The following SNX29 variants were observed in gnomAD, a reference collection of about 807,000 sequenced individuals.
The protein encoded by SNX29 is sorting nexin-29.
SNX29 carries 78 observed loss-of-function variants against 102.1 expected under a neutral mutation model. The observed-to-expected ratio is 0.76, with a 90% CI of 0.64 to 0.92. The LOEUF (loss-of-function observed/expected upper bound fraction) is 0.92, where lower values mean the gene tolerates loss of function less well. SNX29 is among the 40% of genes least tolerant of loss of function. The pLI is 0.00. For missense variants in SNX29, 1,280 were observed against 1,061.7 expected (o/e 1.21, Z -2.86); for synonymous variants, 580 against 414.5 (o/e 1.40, Z -4.85).
intron 8 of SNX29, among the ~76,000 whole-genome samples, chr16:12,054,114 T>C (rs1000775934): frequency 3.9e-5 from 6 of 151,938 alleles, no homozygotes. Flanking sequence ...ACTGCAAGCG[T>C]CCGCCACCAC....
chr16:12,195,433 G>A (rs1320578929), intron 13 of SNX29, among the ~76,000 whole-genome samples: 3 of 152,200 alleles, frequency 2.0e-5, no homozygotes, highest in Admixed American at 2.0e-4. Flanking sequence ...TCTTGAAGCT[G>A]TTGATTCATA....
At chr16:12,495,498 A>G (rs2088777018) in intron 19 of SNX29, among the ~76,000 whole-genome samples, 1 of 152,236 alleles carries the variant, frequency 6.6e-6, no homozygotes, top group African/African-American at 2.4e-5. Context: ...TACCCAGAAT[A>G]AGTTAGTTCC....
intron 15 of SNX29, among the ~76,000 whole-genome samples, chr16:12,345,452 G>T (rs1378054525): frequency 1.3e-5 from 2 of 152,186 alleles, no homozygotes; most frequent in Admixed American, 6.5e-5. Flanking sequence ...GGGGACCAGT[G>T]GGAGCTCTAT....
At chr16:12,289,999 G>A (rs937530625) in intron 15 of SNX29, among the ~76,000 whole-genome samples, 3 of 152,116 alleles carry the variant, frequency 2.0e-5, no homozygotes, top group South Asian at 2.1e-4. Flanking sequence ...CTGGAGAAAC[G>A]GGATACAGCG....
At chr16:11,978,824 C>T (rs2055356914) in intron 1 of SNX29, among the ~76,000 whole-genome samples, 1 of 152,030 alleles carries the variant, frequency 6.6e-6, no homozygotes, top group Non-Finnish European at 1.5e-5. Context: ...ACTTGGGAGG[C>T]TGAGGCAGGA....
At chr16:12,544,678 G>A (rs142491405) in intron 20 of SNX29, among the ~76,000 whole-genome samples, 6 of 152,196 alleles carry the variant, frequency 3.9e-5, no homozygotes, top group Non-Finnish European at 5.9e-5. Context: ...CTTTGAGAGC[G>A]CTGTCACTCG....
intron 18 of SNX29, among the ~76,000 whole-genome samples, chr16:12,423,773 T>C (rs1004363660): frequency 2.6e-5 from 4 of 152,204 alleles, no homozygotes; most frequent in African/African-American, 9.6e-5. Flanking sequence ...GGTTTCGCTA[T>C]GTTGGCCAGG....
intron 1 of SNX29, among the ~76,000 whole-genome samples, chr16:11,991,056 G>A (rs1463496102): frequency 4.6e-5 from 7 of 152,176 alleles, no homozygotes; most frequent in Admixed American, 4.6e-4. Context: ...GAGAAAGTTT[G>A]CTGACCCCCA....
At chr16:12,179,661 C>T (rs570968357) in intron 13 of SNX29, among the ~76,000 whole-genome samples, 1 of 152,254 alleles carries the variant, frequency 6.6e-6, no homozygotes, top group East Asian at 1.9e-4. Context: ...TGGTATGTTG[C>T]TAGTCGTTTA....
At chr16:12,333,775 G>A (rs1383298500) in intron 15 of SNX29, among the ~76,000 whole-genome samples, 1 of 152,118 alleles carries the variant, frequency 6.6e-6, no homozygotes, top group Non-Finnish European at 1.5e-5. Context: ...CTATGTCCTG[G>A]GGACTGGGCA....
intron 11 of SNX29, among the ~76,000 whole-genome samples, chr16:12,107,083 G>T (rs1374588260): frequency 6.6e-6 from 1 of 152,222 alleles, no homozygotes; most frequent in African/African-American, 2.4e-5. Flanking sequence ...GTCCCAGAGT[G>T]CTGGGATTCC....
chr16:12,336,720 G>C (rs575101682), intron 15 of SNX29, among the ~76,000 whole-genome samples: 64 of 152,316 alleles, frequency 4.2e-4, no homozygotes, highest in Non-Finnish European at 5.9e-5. Flanking sequence ...CGAAGCAGGA[G>C]GATCGCTTGA....
At chr16:12,349,952 A>G (rs1265296272) in intron 15 of SNX29, among the ~76,000 whole-genome samples, 1 of 152,232 alleles carries the variant, frequency 6.6e-6, no homozygotes, top group African/African-American at 2.4e-5. Context: ...ACAGTCTAGA[A>G]AAACCCTGAA....
At chr16:12,136,735 G>C (rs935515392) in intron 13 of SNX29, among the ~76,000 whole-genome samples, 2 of 151,846 alleles carry the variant, frequency 1.3e-5, no homozygotes, top group Non-Finnish European at 2.9e-5. Flanking sequence ...AAAGGTTTTT[G>C]TTGTTATTGT....
intron 14 of SNX29, among the ~76,000 whole-genome samples, chr16:12,235,785 T>TTGTGTGTGTGTGTGTG (rs71408254): frequency 6.8e-6 from 1 of 147,958 alleles, no homozygotes; most frequent in African/African-American, 2.5e-5. Flanking sequence ...GGGTTGTAAA[T>TTGTGTGTGTGTGTGTG]TGTGTGTGTG....
chr16:12,529,838 C>A (rs1387297499), intron 20 of SNX29, among the ~76,000 whole-genome samples: 1 of 152,236 alleles, frequency 6.6e-6, no homozygotes, highest in Non-Finnish European at 1.5e-5. Flanking sequence ...ACCTAAGCTG[C>A]TTTGCAAGTC....
rs1407090500 is a variant in SNX29, at chr16:12,008,786, G to C, written c.122+5743G>C. Reference sequence around the variant, plus strand: ...AGATGGAGCCTTGCTCTGTCGCACAGGCTGGAGTACAGTGGCGCAATCTCA... The same window carrying C: ...AGATGGAGCCTTGCTCTGTCGCACACGCTGGAGTACAGTGGCGCAATCTCA... On this transcript the variant is annotated intron_variant, in intron 3 of 20. Coordinates refer to ENST00000566228, the MANE Select transcript of SNX29 (RefSeq NM_032167.5). Among the ~76,000 whole-genome samples the C allele has an allele frequency of 2.0e-5, 3 of 150,054 alleles. No individual in the cohort carries two copies. In the East Asian group the frequency reaches 5.9e-4, roughly 29 times the overall value.
chr16:12,484,449 C>G (rs185099563), intron 19 of SNX29, among the ~76,000 whole-genome samples: 1 of 152,324 alleles, frequency 6.6e-6, no homozygotes, highest in Admixed American at 6.5e-5. Flanking sequence ...CAACATAAAT[C>G]TGATTGTGTC....
intron 20 of SNX29, among the ~76,000 whole-genome samples, chr16:12,541,821 C>G (rs551479094): frequency 1.3e-5 from 2 of 152,058 alleles, no homozygotes; most frequent in Non-Finnish European, 2.9e-5. Flanking sequence ...ACCAAGCTCG[C>G]CTCTTCCCCT....
Sources: allele counts gnomAD v4.1 joint callset (sites outside exome capture counted in the v4.1 genomes callset), GRCh38; gene constraint gnomAD v4.1.1; transcripts MANE v1.5; gene names NCBI Gene and HGNC (gene_info 2026-07-23, HGNC 2026-07-21).